LHFPL3: variants seen among roughly 807,000 people sequenced by gnomAD.
LHFPL3 encodes the protein LHFPL tetraspan subfamily member 3 protein.
In LHFPL3, 5 loss-of-function variants were observed where a neutral mutation model predicts 19.3. That is an observed-to-expected ratio of 0.26 (90% CI 0.14 to 0.54). The LOEUF (loss-of-function observed/expected upper bound fraction) is 0.54. Among genes scored for constraint, LHFPL3 ranks in the 20% least tolerant of loss-of-function variants. The probability of loss-of-function intolerance (pLI) is 0.94; values close to 1 mark genes in which losing one functional copy is unlikely to be tolerated. For missense variants in LHFPL3, 249 were observed against 307.4 expected, an observed-to-expected ratio of 0.81 and a Z score of 1.42; for synonymous variants, 133 against 126.2, an observed-to-expected ratio of 1.05 and a Z score of -0.36.
chr7:104,613,053 T>G (rs1323997144), intron 1 of LHFPL3, among the ~76,000 whole-genome samples: 1 of 152,200 alleles, frequency 6.6e-6, no homozygotes, highest in Non-Finnish European at 1.5e-5. Context: ...TGAATGCAAG[T>G]AGGGGCTGGA....
intron 1 of LHFPL3, among the ~76,000 whole-genome samples, chr7:104,365,705 C>T (rs1310938997): frequency 1.4e-5 from 2 of 141,738 alleles, no homozygotes; most frequent in African/African-American, 5.3e-5. Context: ...GGCGTGAACC[C>T]GGGAAGCAGA....
At chr7:104,392,234 T>C (rs1191559142) in intron 1 of LHFPL3, among the ~76,000 whole-genome samples, 2 of 151,446 alleles carry the variant, frequency 1.3e-5, no homozygotes, top group East Asian at 1.9e-4. Flanking sequence ...TGAATAGGAG[T>C]GGTGAGAGAG....
rs956702033 is a variant in LHFPL3, at chr7:104,835,977, T to G, written c.683-70210T>G. On this transcript the variant is annotated intron_variant, in intron 2 of 2. Transcript: ENST00000424859. ...ATAAACGTAAAAGGCAAGAAAATAT[T>G]AGAAAGTATAAAGTGCTATGCAGAG... Among the ~76,000 whole-genome samples, 6 of 151,850 alleles carry G rather than the reference T, an allele frequency of 4.0e-5. 1 individual carries two copies. Among genetic ancestry groups the G allele is most frequent in the African/African-American group, 1.5e-4 (6 of 41,182 alleles).
At chr7:104,658,552 G>C (rs1299455187) in intron 1 of LHFPL3, among the ~76,000 whole-genome samples, 1 of 152,176 alleles carries the variant, frequency 6.6e-6, no homozygotes, top group Admixed American at 6.5e-5. Context: ...CTATAATCCA[G>C]CACTTTGGGA....
intron 2 of LHFPL3, among the ~76,000 whole-genome samples, chr7:104,872,363 G>A (rs1791854042): frequency 6.6e-6 from 1 of 151,696 alleles, no homozygotes; most frequent in Non-Finnish European, 1.5e-5. Flanking sequence ...GTAAGACACA[G>A]GCGAGGCACA....
intron 1 of LHFPL3, among the ~76,000 whole-genome samples, chr7:104,655,080 G>A (rs541156402): frequency 2.6e-5 from 4 of 152,176 alleles, no homozygotes; most frequent in African/African-American, 4.8e-5. Context: ...AATGACAATC[G>A]TTCCACTCCC....
intron 1 of LHFPL3, among the ~76,000 whole-genome samples, chr7:104,685,687 G>A (rs1792791376): frequency 6.6e-6 from 1 of 152,218 alleles, no homozygotes; most frequent in South Asian, 2.1e-4. Context: ...GAGCATCAGA[G>A]CTGCAGGAAT....
At chr7:104,745,155 A>G (rs897779738) in intron 2 of LHFPL3, among the ~76,000 whole-genome samples, 4 of 151,954 alleles carry the variant, frequency 2.6e-5, no homozygotes, top group Non-Finnish European at 1.5e-5. Context: ...ACACTTCCCA[A>G]CTCCCTTTCC....
rs111764126 is a variant in LHFPL3, at chr7:104,401,597, G to T, written c.445+72373G>T. Reference sequence around the variant, plus strand: ...CTAAACTCAAATAAATTTTATTTAAGGAACAAAAAGATAACCAGTGCCAGA... The same window carrying T: ...CTAAACTCAAATAAATTTTATTTAATGAACAAAAAGATAACCAGTGCCAGA... On this transcript the variant is annotated intron_variant, in intron 1 of 2. Coordinates refer to ENST00000424859, the MANE Select transcript of LHFPL3 (RefSeq NM_199000.3). Among the ~76,000 whole-genome samples the T allele has an allele frequency of 7.8e-3, 1,184 of 152,126 alleles. 5 individuals carry two copies. The highest frequency in any genetic ancestry group is 0.011 in the Non-Finnish European group (763 of 67,986).
chr7:104,503,976 G>A (rs1793651586), intron 1 of LHFPL3, among the ~76,000 whole-genome samples: 1 of 152,038 alleles, frequency 6.6e-6, no homozygotes, highest in Admixed American at 6.6e-5. Context: ...TTATTTGGTT[G>A]ATATGGAAAA....
chr7:104,552,368 T>A (rs1794677103), intron 1 of LHFPL3, among the ~76,000 whole-genome samples: 1 of 152,162 alleles, frequency 6.6e-6, no homozygotes, highest in South Asian at 2.1e-4. Context: ...CTTCCTGACT[T>A]ATTACTATAG....
intron 2 of LHFPL3, among the ~76,000 whole-genome samples, chr7:104,855,827 C>A (rs1434651390): frequency 6.6e-6 from 1 of 152,088 alleles, no homozygotes; most frequent in Non-Finnish European, 1.5e-5. Flanking sequence ...CCAGGCTGGT[C>A]TCCAACTCCT....
At chr7:104,553,570 A>G (rs1794701511) in intron 1 of LHFPL3, among the ~76,000 whole-genome samples, 1 of 152,178 alleles carries the variant, frequency 6.6e-6, no homozygotes. Context: ...AAATTTAGGA[A>G]TATGAATCTA....
chr7:104,674,512 G>A (rs1033123710), intron 1 of LHFPL3, among the ~76,000 whole-genome samples: 5 of 151,950 alleles, frequency 3.3e-5, no homozygotes, highest in African/African-American at 7.3e-5. Context: ...GGGATTAGAG[G>A]TGCCTGCCAC....
At chr7:104,782,435 G>A (rs904505624) in intron 2 of LHFPL3, among the ~76,000 whole-genome samples, 3 of 152,166 alleles carry the variant, frequency 2.0e-5, no homozygotes, top group African/African-American at 7.2e-5. Flanking sequence ...CCCCAACTCT[G>A]AGTGGGAGGA....
intron 1 of LHFPL3, among the ~76,000 whole-genome samples, chr7:104,348,464 C>G (rs1280628228): frequency 6.6e-6 from 1 of 152,176 alleles, no homozygotes; most frequent in Non-Finnish European, 1.5e-5. Flanking sequence ...GTTTTAACAT[C>G]TTGTGTATAT....
At chr7:104,857,935 C>A (rs1791541092) in intron 2 of LHFPL3, among the ~76,000 whole-genome samples, 1 of 152,188 alleles carries the variant, frequency 6.6e-6, no homozygotes, top group African/African-American at 2.4e-5. Context: ...TACTACACAG[C>A]AGCTTCTGTG....
intron 1 of LHFPL3, among the ~76,000 whole-genome samples, chr7:104,720,371 A>G (rs952336697): frequency 5.9e-5 from 9 of 152,156 alleles, no homozygotes; most frequent in Non-Finnish European, 1.2e-4. Flanking sequence ...CCTTCCTTAT[A>G]CCTTATACAA....
At chr7:104,565,704 C>A (rs1305008602) in intron 1 of LHFPL3, among the ~76,000 whole-genome samples, 1 of 147,636 alleles carries the variant, frequency 6.8e-6, no homozygotes, top group African/African-American at 2.5e-5. Context: ...AGTTTCCCTG[C>A]ACCTTCCTGT....
Sources: gnomAD v4.1 joint callset for allele counts (sites outside exome capture counted in the v4.1 genomes callset) on GRCh38, gnomAD v4.1.1 for gene constraint, MANE v1.5 for transcripts, NCBI Gene and HGNC (gene_info 2026-07-23, HGNC 2026-07-21) for gene names.